Variants in GAS7 observed in about 807,000 individuals in gnomAD.
The protein encoded by GAS7 is growth arrest-specific protein 7.
GAS7 carries 28 observed loss-of-function variants against 71.1 expected under a neutral mutation model. The ratio of observed to expected loss-of-function variants is 0.39; its 90% confidence interval spans 0.29 to 0.54. GAS7 has a LOEUF of 0.54. Ranked by LOEUF, GAS7 falls within the 20% of genes least tolerant of loss-of-function variation. The pLI, the probability that GAS7 is intolerant of heterozygous loss-of-function variation, is 0.62. For synonymous variants in GAS7, 258 were observed against 245.8 expected (o/e 1.05, Z -0.46); for missense variants, 436 against 627.8 (o/e 0.69, Z 3.27).
intron 1 of GAS7, among the ~76,000 whole-genome samples, chr17:10,122,809 A>G (rs1487869266): frequency 2.0e-5 from 3 of 152,102 alleles, no homozygotes; most frequent in Non-Finnish European, 4.4e-5. Context: ...ACATAAAATA[A>G]ATAAAATGAA....
Position 9,974,831 on chromosome 17 carries a change from C to T in GAS7, c.386-5069G>A, listed in dbSNP as rs150757208. ...AGCAACAAAGAAGCGCCAGCAGCTC[C>T]GCCACCCAGGGCTCACCCCCACCCA... On this transcript the variant is annotated intron_variant, in intron 3 of 13. Coordinates refer to ENST00000432992, the MANE Select transcript of GAS7 (RefSeq NM_201433.2). The surrounding 1 kb of genome is among the most constrained non-coding windows in gnomAD (Gnocchi z 4.0). Among the ~76,000 whole-genome samples, 2 of 152,198 alleles carry T rather than the reference C, an allele frequency of 1.3e-5. No individual in the cohort carries two copies. Among genetic ancestry groups the T allele is most frequent in the African/African-American group, 2.4e-5 (1 of 41,518 alleles).
At chr17:10,115,706 C>T (rs2073854874) in intron 1 of GAS7, among the ~76,000 whole-genome samples, 1 of 152,198 alleles carries the variant, frequency 6.6e-6, no homozygotes, top group East Asian at 1.9e-4. Flanking sequence ...ATCCTCCATA[C>T]TACTGTTGTT....
intron 1 of GAS7, among the ~76,000 whole-genome samples, chr17:10,122,350 G>C (rs909787353): frequency 6.6e-6 from 1 of 152,026 alleles, no homozygotes. Flanking sequence ...TCCCAGACAC[G>C]TGCACACTGA....
At chr17:10,015,026 A>G (rs1421828214) in intron 2 of GAS7, among the ~76,000 whole-genome samples, 1 of 151,976 alleles carries the variant, frequency 6.6e-6, no homozygotes, top group African/African-American at 2.4e-5. Flanking sequence ...GTGGTGGCGC[A>G]TGTCTGTAAT....
intron 1 of GAS7, among the ~76,000 whole-genome samples, chr17:10,059,424 C>T (rs1363728056): frequency 6.6e-6 from 1 of 152,206 alleles, no homozygotes; most frequent in Admixed American, 6.5e-5. Flanking sequence ...GATACTTCCC[C>T]TGCCCAAGTG....
chr17:10,053,850 G>A (rs912166537), intron 1 of GAS7, among the ~76,000 whole-genome samples: 10 of 152,114 alleles, frequency 6.6e-5, no homozygotes, highest in Non-Finnish European at 8.8e-5. Flanking sequence ...AGGTGCTGGC[G>A]TCCTATCCAT....
chr17:10,099,697 G>C (rs1423488147), intron 1 of GAS7, among the ~76,000 whole-genome samples: 1 of 152,162 alleles, frequency 6.6e-6, no homozygotes, highest in African/African-American at 2.4e-5. Context: ...AAGGGAAGCT[G>C]AATCTCTGTG....
At chr17:10,040,594 C>A (rs7215569) in intron 1 of GAS7, among the ~76,000 whole-genome samples, 1 of 148,060 alleles carries the variant, frequency 6.8e-6, no homozygotes, top group African/African-American at 2.5e-5. Context: ...TCTCTCTCCC[C>A]CCTCTCACCC....
At chr17:9,987,198 G>C (rs144174139) in intron 2 of GAS7, among the ~76,000 whole-genome samples, 16 of 152,318 alleles carry the variant, frequency 1.1e-4, no homozygotes, top group African/African-American at 2.6e-4. Context: ...TCTACTAACA[G>C]AGCCATGGCC....
At chr17:10,162,349 A>G (rs1337234608) in intron 1 of GAS7, among the ~76,000 whole-genome samples, 4 of 152,318 alleles carry the variant, frequency 2.6e-5, no homozygotes, top group African/African-American at 9.6e-5. Context: ...AGGGAGCTGT[A>G]TATTTTATGA....
At chr17:10,102,905 A>G (rs2142054798) in intron 1 of GAS7, among the ~76,000 whole-genome samples, 1 of 152,268 alleles carries the variant, frequency 6.6e-6, no homozygotes, top group African/African-American at 2.4e-5. Flanking sequence ...GCGAGTAATT[A>G]GGCATATCCT....
At chr17:10,042,442 C>T (rs1279080350) in intron 1 of GAS7, among the ~76,000 whole-genome samples, 4 of 152,124 alleles carry the variant, frequency 2.6e-5, no homozygotes, top group South Asian at 2.1e-4. Context: ...CAGGGACGCC[C>T]CCTTCCTCCA....
At chr17:10,055,175 A>G (rs12150189) in intron 1 of GAS7, among the ~76,000 whole-genome samples, 15,898 of 152,216 alleles carry the variant, frequency 0.1, 996 homozygotes, top group East Asian at 0.16. Context: ...ATGTGAAATG[A>G]CACAGCCATC....
In GAS7 at chr17:10,179,472, G is replaced by C. The variant is rs202212272; in HGVS notation, c.183+18736C>G. Among the ~76,000 whole-genome samples the C allele has an allele frequency of 2.4e-5, 3 of 123,746 alleles. No homozygotes were observed. The East Asian group carries it at 7.8e-4, about 32-fold the overall frequency. 81.2% of individuals were successfully genotyped at this position (123,746 alleles called of 152,430 possible). A position where few individuals can be genotyped will look rare whatever the true frequency, so the allele number is the denominator to read the frequency against. The stretch of plus-strand genomic sequence containing the variant: ...TCCGTGTTTCCAAGCTGGTTTATCT[G>C]TCACCTTATCTAAGATTCCCCTCCC... On this transcript the variant is annotated intron_variant, in intron 1 of 13. Transcript: ENST00000432992.
intron 3 of GAS7, among the ~76,000 whole-genome samples, chr17:9,975,377 GT>G (rs1277695095): frequency 3.3e-5 from 5 of 151,906 alleles, no homozygotes; most frequent in African/African-American, 1.2e-4. Flanking sequence ...AAAAAACAAA[GT>G]TGAGGAACCC....
chr17:10,039,731 GACTC>G (rs1211996462), intron 1 of GAS7: 1 of 456,142 alleles, frequency 2.2e-6, no homozygotes, highest in African/African-American at 2.0e-5. Flanking sequence ...CCTATAGCAG[GACTC>G]ACTCACCATG....
At chr17:10,067,246 T>C (rs8077367) in intron 1 of GAS7, among the ~76,000 whole-genome samples, 73,036 of 151,820 alleles carry the variant, frequency 0.48, 18,002 homozygotes, top group Non-Finnish European at 0.54. Context: ...CAGACAAGTG[T>C]CCCACTTCTT....
At chr17:10,014,371 C>T (rs958130116) in intron 2 of GAS7, among the ~76,000 whole-genome samples, 20 of 152,180 alleles carry the variant, frequency 1.3e-4, no homozygotes, top group Non-Finnish European at 2.1e-4. Flanking sequence ...TTAAAGCCTT[C>T]GCTCTGCCGC....
chr17:9,959,628 G>T lies in GAS7; in HGVS notation c.472-373C>A. 2.8e-6 allele frequency: 1 copy of T among 356,170 alleles called. No individual in the cohort carries two copies. Among genetic ancestry groups the T allele is most frequent in the East Asian group, 4.7e-5 (1 of 21,490 alleles). 22.1% of individuals were successfully genotyped at this position (356,170 alleles called of 1,614,324 possible). On this transcript the variant is annotated intron_variant, in intron 4 of 13. Coordinates refer to ENST00000432992, the MANE Select transcript of GAS7 (RefSeq NM_201433.2). The surrounding 1 kb of genome is among the most constrained non-coding windows in gnomAD (Gnocchi z 5.0). ...GCCGCGGAATCCACTGGGGAGAAGA[G>T]AGTTAAGGCCACCACCTCCTGGCAC...
Sources: allele counts gnomAD v4.1 joint callset (sites outside exome capture counted in the v4.1 genomes callset), GRCh38; gene constraint gnomAD v4.1.1; non-coding constraint Gnocchi (gnomAD v3.1); transcripts MANE v1.5; gene names NCBI Gene and HGNC (gene_info 2026-07-23, HGNC 2026-07-21).